Variants in ENTPD3 observed in about 807,000 individuals in gnomAD.
ENTPD3 encodes CD39 antigen-like 3.
Under a neutral mutation model 51.2 loss-of-function variants are expected in ENTPD3, and 60 were observed. That is an observed-to-expected ratio of 1.17 (90% confidence interval 0.95 to 1.45). The LOEUF (loss-of-function observed/expected upper bound fraction) is 1.45, where lower values mean the gene tolerates loss of function less well. Ranked by LOEUF, ENTPD3 falls within the 40% of genes most tolerant of loss-of-function variation. The probability of loss-of-function intolerance (pLI) is 0.00; values close to 1 mark genes in which losing one functional copy is unlikely to be tolerated. For missense variants in ENTPD3, 593 were observed against 641.1 expected, an observed-to-expected ratio of 0.93 and a Z score of 0.81; for synonymous variants, 221 against 238.4, an observed-to-expected ratio of 0.93 and a Z score of 0.67.
intron 3 of ENTPD3, among the ~76,000 whole-genome samples, chr3:40,398,988 G>A (rs1305472923): frequency 6.6e-6 from 1 of 152,134 alleles, no homozygotes; most frequent in Non-Finnish European, 1.5e-5. Flanking sequence ...TTGGGAGGCG[G>A]AGGTGGGTGA....
intron 10 of ENTPD3, among the ~76,000 whole-genome samples, chr3:40,426,755 C>A (rs1010853778): frequency 6.6e-6 from 1 of 152,088 alleles, no homozygotes. Flanking sequence ...CAGAGGGTTA[C>A]AACATAATGA....
intron 3 of ENTPD3, among the ~76,000 whole-genome samples, chr3:40,398,755 A>C (rs1391432230): frequency 6.6e-6 from 1 of 152,220 alleles, no homozygotes; most frequent in Non-Finnish European, 1.5e-5. Flanking sequence ...AAACAAAACA[A>C]GCATTTGTAA....
chr3:40,407,268 G>A (rs1202582857), intron 4 of ENTPD3, among the ~76,000 whole-genome samples: 1 of 151,786 alleles, frequency 6.6e-6, no homozygotes, highest in East Asian at 1.9e-4. Context: ...GGTCTCTGTC[G>A]TAACTGCTCA....
intron 4 of ENTPD3, among the ~76,000 whole-genome samples, chr3:40,402,611 C>A (rs1001839142): frequency 2.0e-5 from 3 of 151,850 alleles, no homozygotes; most frequent in South Asian, 2.1e-4. Flanking sequence ...AATATGAATT[C>A]TTTGCCATTA....
At chr3:40,425,090 A>C in intron 10 of ENTPD3, 1 of 239,254 alleles carries the variant, frequency 4.2e-6, no homozygotes, top group South Asian at 6.1e-5. Context: ...TTTAATTATA[A>C]AGAATTTTGT....
At chr3:40,393,223 C>A (rs1192405640) in intron 3 of ENTPD3, among the ~76,000 whole-genome samples, 1 of 152,124 alleles carries the variant, frequency 6.6e-6, no homozygotes, top group Non-Finnish European at 1.5e-5. Context: ...GCAAACATTT[C>A]TCATAAAGGG....
chr3:40,423,822 T>C lies in ENTPD3; in HGVS notation c.1216-4T>C. The C allele has an allele frequency of 6.2e-7, 1 of 1,613,992 alleles. No homozygotes were observed. Among genetic ancestry groups the C allele is most frequent in the Non-Finnish European group, 8.5e-7 (1 of 1,179,910 alleles). ...CTGCCTCTCAGATGTTTTAAACCTTTCAGCTCCCACTGCTGCTCCCCAAAT... is the reference window on the plus strand; with the variant it reads ...CTGCCTCTCAGATGTTTTAAACCTTCCAGCTCCCACTGCTGCTCCCCAAAT... On this transcript the variant is annotated splice_region_variant and splice_polypyrimidine_tract_variant and intron_variant, in intron 9 of 10. Coordinates refer to ENST00000301825, the MANE Select transcript of ENTPD3 (RefSeq NM_001248.4).
chr3:40,426,003 T>A (rs997666676), intron 10 of ENTPD3, among the ~76,000 whole-genome samples: 1 of 150,894 alleles, frequency 6.6e-6, no homozygotes, highest in African/African-American at 2.4e-5. Context: ...AATATCCACA[T>A]GATAAGGGTG....
rs58000344 is a variant in ENTPD3 at position 40,402,123 on chromosome 3, C to CTTTTTTTTTTTTTTTTTTTTTTT, written c.286+1125_286+1126insTTTTTTTTTTTTTTTTTTTTTTT. ...TTCATTTCCTTTCCTTTTTTTTTTT[C>CTTTTTTTTTTTTTTTTTTTTTTT]TTTTTTTTTTTTTGAGACAGAGTCT... On this transcript the variant is annotated intron_variant, in intron 4 of 10. Coordinates refer to ENST00000301825, the MANE Select transcript of ENTPD3 (RefSeq NM_001248.4). Among the ~76,000 whole-genome samples, 449 of 95,052 alleles carry CTTTTTTTTTTTTTTTTTTTTTTT rather than the reference C, an allele frequency of 4.7e-3. 6 individuals carry two copies. Among genetic ancestry groups the CTTTTTTTTTTTTTTTTTTTTTTT allele is most frequent in the East Asian group, 7.3e-3 (20 of 2,742 alleles). The allele number at this position is 95,052 out of a possible 152,430, so 62.4% of individuals were successfully genotyped here. A position where few individuals can be genotyped will look rare whatever the true frequency, so the allele number is the denominator to read the frequency against.
At chr3:40,390,260 GC>G (rs891343194) in intron 2 of ENTPD3, among the ~76,000 whole-genome samples, 24 of 152,118 alleles carry the variant, frequency 1.6e-4, no homozygotes, top group Non-Finnish European at 2.9e-5. Context: ...CTGGAGTATA[GC>G]GGCACAGCTC....
At position 40,423,937 on chromosome 3, in the gene ENTPD3, T is replaced by G; in HGVS notation, c.1327T>G (p.Trp443Gly). ...VNGYKFTEET[W>G]PQIHFEKEVG... is the part of the protein sequence containing the mutation. ...CGGTTACAAATTCACAGAGGAGACT[T>G]GGCCCCAAATACACTTTGAAAAAGA... The change falls in exon 10 of 11, where the codon TGG becomes GGG. Residue 443 changes from tryptophan to glycine, a missense_variant. Coordinates refer to ENST00000301825, the MANE Select transcript of ENTPD3 (RefSeq NM_001248.4). The G allele has an allele frequency of 6.2e-7, 1 of 1,614,182 alleles. No individual in the cohort carries two copies. The highest frequency in any genetic ancestry group is 1.1e-5 in the South Asian group (1 of 91,066).
chr3:40,408,926 TTTTC>T (rs200155543), intron 4 of ENTPD3, among the ~76,000 whole-genome samples: 15 of 139,208 alleles, frequency 1.1e-4, no homozygotes, highest in African/African-American at 4.1e-4. Context: ...AGGGGAACAT[TTTTC>T]TTTTTTTAGG....
intron 3 of ENTPD3, among the ~76,000 whole-genome samples, chr3:40,393,699 A>G (rs2125588559): frequency 6.6e-6 from 1 of 152,292 alleles, no homozygotes; most frequent in South Asian, 2.1e-4. Flanking sequence ...AAGAAAGCAA[A>G]TTACCCAGTT....
intron 3 of ENTPD3, among the ~76,000 whole-genome samples, chr3:40,397,970 C>A (rs968706906): frequency 2.0e-5 from 3 of 152,180 alleles, no homozygotes; most frequent in Admixed American, 6.5e-5. Context: ...TCCCCTCTCC[C>A]CCAAAAGAAT....
chr3:40,403,799 T>C (rs1325736336), intron 4 of ENTPD3, among the ~76,000 whole-genome samples: 2 of 151,946 alleles, frequency 1.3e-5, no homozygotes, highest in Non-Finnish European at 2.9e-5. Flanking sequence ...ACTACAGACA[T>C]TGCCACCACA....
At chr3:40,425,350 A>C (rs1575236498) in intron 10 of ENTPD3, among the ~76,000 whole-genome samples, 1 of 152,090 alleles carries the variant, frequency 6.6e-6, no homozygotes, top group African/African-American at 2.4e-5. Context: ...TGGGAGGTGA[A>C]GGTTGCCGTG....
intron 7 of ENTPD3, among the ~76,000 whole-genome samples, chr3:40,418,233 A>G (rs13326389): frequency 0.26 from 39,398 of 152,044 alleles, 5,964 homozygotes; most frequent in East Asian, 0.48. Context: ...CTCTGCCCTC[A>G]GAGGCTTCTG....
Position 40,411,962 on chromosome 3 carries a change from G to A in ENTPD3, c.437G>A (p.Arg146Lys). 1 of 1,608,850 alleles carries A rather than the reference G, an allele frequency of 6.2e-7. No individual in the cohort carries two copies. Among genetic ancestry groups the A allele is most frequent in the Non-Finnish European group, 8.5e-7 (1 of 1,177,922 alleles). ...LGATAGMRLL[R>K]LQNETAANEV... ...GCCACGGCTGGGATGCGCTTGCTGAGGTAAAGGCTAAGTGGCACAAAGGAG... is the reference window on the plus strand; with the variant it reads ...GCCACGGCTGGGATGCGCTTGCTGAAGTAAAGGCTAAGTGGCACAAAGGAG... Residue 146 changes from arginine to lysine, a missense_variant and splice_region_variant, in exon 5 of 11, where the codon AGG (arginine) becomes AAG (lysine). Arg to Lys is a conservative substitution (Grantham distance 26, BLOSUM62 2). Transcript: ENST00000301825.
At position 40,396,655 on chromosome 3, in the gene ENTPD3, C is replaced by G. The variant is rs78618375; in HGVS notation, c.169-4239C>G. 2.0e-5 allele frequency among the ~76,000 whole-genome samples: 3 copies of G among 152,134 alleles called. No homozygotes were observed. In the East Asian group the frequency reaches 5.8e-4, roughly 29 times the overall value. On this transcript the variant is annotated intron_variant, in intron 3 of 10. Coordinates refer to ENST00000301825, the MANE Select transcript of ENTPD3 (RefSeq NM_001248.4). Reference sequence around the variant, plus strand: ...ACAAGCTTGAAGAGTAAACATGATGCCATCACTTGTAATTTTCACTCGGCC... The same window carrying G: ...ACAAGCTTGAAGAGTAAACATGATGGCATCACTTGTAATTTTCACTCGGCC...
Sources: gnomAD v4.1 joint callset for allele counts (sites outside exome capture counted in the v4.1 genomes callset) on GRCh38, gnomAD v4.1.1 for gene constraint, MANE v1.5 for transcripts, NCBI Gene and HGNC (gene_info 2026-07-23, HGNC 2026-07-21) for gene names.